Variants in RIN3 observed in about 807,000 individuals in gnomAD.
RIN3 encodes the protein Ras and Rab interactor 3.
RIN3 carries 54 observed loss-of-function variants against 76.3 expected under a neutral mutation model. The observed-to-expected ratio is 0.71, with a 90% CI of 0.57 to 0.89. The LOEUF (loss-of-function observed/expected upper bound fraction) is 0.89, where lower values mean the gene tolerates loss of function less well. RIN3 is among the 40% of genes least tolerant of loss of function. The pLI is 0.00. For missense variants in RIN3, 1,256 were observed against 1,322.1 expected (o/e 0.95, Z 0.78); for synonymous variants, 576 against 564.0 (o/e 1.02, Z -0.30).
intron 6 of RIN3, among the ~76,000 whole-genome samples, chr14:92,653,374 C>T (rs1321136315): frequency 1.3e-5 from 2 of 152,170 alleles, no homozygotes; most frequent in African/African-American, 4.8e-5. Flanking sequence ...AAAGACTGGC[C>T]CCTTCGCCTC....
chr14:92,658,226 C>T (rs1366277651), intron 6 of RIN3, among the ~76,000 whole-genome samples: 1 of 152,224 alleles, frequency 6.6e-6, no homozygotes, highest in Non-Finnish European at 1.5e-5. Flanking sequence ...AACTCCTGCT[C>T]CAAGAGCTGA....
intron 1 of RIN3, among the ~76,000 whole-genome samples, chr14:92,543,135 C>T (rs1460725720): frequency 2.6e-5 from 4 of 152,162 alleles, no homozygotes; most frequent in South Asian, 2.1e-4. Context: ...CAGCGTCAAC[C>T]GCAGTTGACA....
At chr14:92,638,195 G>A (rs931132106) in intron 4 of RIN3, among the ~76,000 whole-genome samples, 5 of 152,182 alleles carry the variant, frequency 3.3e-5, no homozygotes, top group African/African-American at 9.7e-5. Context: ...GTGTGGCCTC[G>A]AAGGATGTAT....
intron 1 of RIN3, among the ~76,000 whole-genome samples, chr14:92,547,950 C>T (rs370052967): frequency 6.6e-6 from 1 of 152,036 alleles, no homozygotes; most frequent in African/African-American, 2.4e-5. Context: ...GTGATCTGCC[C>T]GCCTTGGCCT....
chr14:92,548,776 A>G (rs1345790248), intron 1 of RIN3, among the ~76,000 whole-genome samples: 2 of 152,062 alleles, frequency 1.3e-5, no homozygotes, highest in East Asian at 1.9e-4. Context: ...CCTAAATTAT[A>G]TCTGCAAAGA....
At position 92,652,189 on chromosome 14, in the gene RIN3, G is replaced by C. The variant is rs1441312579; in HGVS notation, c.1140G>C (p.Lys380Asn). 7 of 1,605,178 alleles carry C rather than the reference G, an allele frequency of 4.4e-6. No homozygotes were observed. The highest frequency in any genetic ancestry group is 3.4e-5 in the Admixed American group (2 of 59,544). The part of the protein sequence containing the change: ...QVPAPPLPAK[K>N]NLPTAPPRRR... ...CCGCCCCGCCACTGCCTGCGAAGAA[G>C]AACCTTCCCACTGCCCCTCCCAGAC... is the stretch of plus-strand genomic sequence containing the variant. The change falls in exon 6 of 10, where the codon AAG becomes AAC. Residue 380 changes from lysine to asparagine, a missense_variant. By Grantham distance (94) the Lys-to-Asn change is moderately conservative. Transcript: ENST00000216487. This position sits in a 1 kb window ranked among gnomAD's most constrained non-coding sequence, Gnocchi z 6.4.
chr14:92,520,829 A>T (rs1442784450), intron 1 of RIN3, among the ~76,000 whole-genome samples: 8 of 152,284 alleles, frequency 5.3e-5, no homozygotes, highest in Non-Finnish European at 1.0e-4. Context: ...TTTTCCCCTA[A>T]CCTCCATGTT....
At chr14:92,585,840 T>C (rs1174240189) in intron 3 of RIN3, among the ~76,000 whole-genome samples, 2 of 152,120 alleles carry the variant, frequency 1.3e-5, no homozygotes, top group Admixed American at 6.6e-5. Context: ...TTTCAGTCCA[T>C]AAAAAGTAAG....
chr14:92,611,136 G>T (rs115537673), intron 3 of RIN3, among the ~76,000 whole-genome samples: 7 of 152,236 alleles, frequency 4.6e-5, no homozygotes, highest in Admixed American at 2.0e-4. Context: ...TGGAGACTGC[G>T]GAAGCATCTG....
intron 6 of RIN3, among the ~76,000 whole-genome samples, chr14:92,655,596 C>T (rs1304825699): frequency 2.0e-5 from 3 of 152,212 alleles, no homozygotes; most frequent in Non-Finnish European, 2.9e-5. Flanking sequence ...GTCACTCTGG[C>T]CGTCACACCT....
chr14:92,580,875 G>A (rs1898412672), intron 3 of RIN3, among the ~76,000 whole-genome samples: 1 of 152,252 alleles, frequency 6.6e-6, no homozygotes, highest in African/African-American at 2.4e-5. Flanking sequence ...GGGAAACTGG[G>A]TCTAGCCATG....
At chr14:92,684,288 G>A (rs920540639) in intron 8 of RIN3, among the ~76,000 whole-genome samples, 10 of 150,578 alleles carry the variant, frequency 6.6e-5, no homozygotes, top group African/African-American at 2.2e-4. Context: ...GCTGAGGTAG[G>A]AGAATCGCTT....
chr14:92,533,414 A>G (rs1434535844), intron 1 of RIN3, among the ~76,000 whole-genome samples: 1 of 152,242 alleles, frequency 6.6e-6, no homozygotes, highest in Non-Finnish European at 1.5e-5. Flanking sequence ...TTGCACACGC[A>G]TGTTTATGGC....
intron 3 of RIN3, among the ~76,000 whole-genome samples, chr14:92,602,927 C>G (rs1464382664): frequency 6.6e-6 from 1 of 152,208 alleles, no homozygotes; most frequent in African/African-American, 2.4e-5. Context: ...TCAGTGGTTC[C>G]CTGTCCAGGG....
intron 3 of RIN3, among the ~76,000 whole-genome samples, chr14:92,581,372 C>T (rs1000616515): frequency 2.0e-5 from 3 of 152,192 alleles, no homozygotes; most frequent in Non-Finnish European, 4.4e-5. Flanking sequence ...CTACAACTTT[C>T]GGAAACCCAA....
At chr14:92,515,418 A>G (rs376261979) in intron 1 of RIN3, 26 of 538,568 alleles carry the variant, frequency 4.8e-5, no homozygotes, top group Middle Eastern at 4.7e-4. Flanking sequence ...AGTGTGATCC[A>G]CTTCCTCTTG....
intron 2 of RIN3, among the ~76,000 whole-genome samples, chr14:92,566,119 G>A (rs533788427): frequency 1.6e-4 from 25 of 152,314 alleles, no homozygotes; most frequent in African/African-American, 2.6e-4. Context: ...CAGCAAGCCC[G>A]GCTATGGTAG....
At chr14:92,563,769 T>C (rs1566844588) in intron 2 of RIN3, among the ~76,000 whole-genome samples, 1 of 152,230 alleles carries the variant, frequency 6.6e-6, no homozygotes, top group Non-Finnish European at 1.5e-5. Context: ...TGCTCTGTGC[T>C]ATGCTAATGG....
intron 3 of RIN3, among the ~76,000 whole-genome samples, chr14:92,612,609 A>G (rs897388081): frequency 1.3e-5 from 2 of 152,212 alleles, no homozygotes; most frequent in Non-Finnish European, 2.9e-5. Flanking sequence ...TCAAAGATGG[A>G]CCAAACCCTG....
Sources: gnomAD v4.1 joint callset for allele counts (sites outside exome capture counted in the v4.1 genomes callset) on GRCh38, gnomAD v4.1.1 for gene constraint, Gnocchi (gnomAD v3.1) non-coding constraint, MANE v1.5 for transcripts, NCBI Gene and HGNC (gene_info 2026-07-23, HGNC 2026-07-21) for gene names.